SP7: variants seen among roughly 807,000 people sequenced by gnomAD.
SP7 encodes transcription factor Sp7.
SP7 carries 13 observed loss-of-function variants against 27.9 expected under a neutral mutation model. The ratio of observed to expected loss-of-function variants is 0.47; its 90% CI spans 0.30 to 0.74. The LOEUF is 0.74. Ranked by LOEUF, SP7 falls within the 30% of genes least tolerant of loss-of-function variation. The pLI is 0.06. For synonymous variants in SP7, 219 were observed against 226.7 expected (o/e 0.97, Z 0.31); for missense variants, 525 against 558.0 (o/e 0.94, Z 0.60).
At chr12:53,332,789 A>G (rs1944720776) in intron 2 of SP7, among the ~76,000 whole-genome samples, 1 of 152,162 alleles carries the variant, frequency 6.6e-6, no homozygotes, top group Non-Finnish European at 1.5e-5. Flanking sequence ...GAAAACCACC[A>G]TGGTGCTGGG....
At position 53,344,063 on chromosome 12, in the gene SP7, A is replaced by T. The variant is rs145022285; in HGVS notation, c.-34+1051T>A. Among the ~76,000 whole-genome samples, 807 of 152,130 alleles carry T rather than the reference A, an allele frequency of 5.3e-3. 2 individuals are homozygous for T. Among genetic ancestry groups the T allele is most frequent in the African/African-American group, 0.018 (748 of 41,496 alleles). ...ACTCTGTCTCAAGAAAAAAAAAAAT[A>T]AAAAAATAAGTCAATGAAGGGGTGA... On this transcript the variant is annotated intron_variant, in intron 1 of 1. Transcript: ENST00000547755. This position sits in a 1 kb window ranked among gnomAD's most constrained non-coding sequence, Gnocchi z 4.6.
chr12:53,335,530 C>G, intron 2 of SP7, 96 bp downstream of exon 2: 1 of 741,244 alleles, frequency 1.3e-6, no homozygotes, highest in South Asian at 1.5e-5. Context: ...ACAAGCACCA[C>G]AGCTACTATC....
Position 53,334,356 on chromosome 12 carries a change from A to T in SP7, c.21+1270T>A, listed in dbSNP as rs192772982. Among the ~76,000 whole-genome samples the T allele has an allele frequency of 5.3e-5, 8 of 151,748 alleles. No homozygotes were observed. The East Asian group carries it at 1.6e-3, about 29-fold the overall frequency. On this transcript the variant is annotated intron_variant, in intron 2 of 2. Transcript: ENST00000536324. Reference sequence around the variant, plus strand: ...TACACACACACACACACACACACACACACACACACACACACACACTCTCAG... The same window carrying T: ...TACACACACACACACACACACACACTCACACACACACACACACACTCTCAG...
At chr12:53,340,209 A>G (rs1944810890), upstream of SP7, among the ~76,000 whole-genome samples, 1 of 152,072 alleles carries the variant, frequency 6.6e-6, no homozygotes, top group Non-Finnish European at 1.5e-5. Context: ...AATACTCCCC[A>G]CATGGACTCA....
intron 2 of SP7, among the ~76,000 whole-genome samples, chr12:53,333,172 C>T (rs1337304841): frequency 6.6e-6 from 1 of 152,170 alleles, no homozygotes; most frequent in Non-Finnish European, 1.5e-5. Flanking sequence ...TCACCACAGC[C>T]TCAGTTTCCT....
In SP7 at chr12:53,328,625, G is replaced by A; in HGVS notation, c.817C>T (p.Pro273Ser). Residue 273 changes from proline to serine, a missense_variant, in exon 3 of 3, where the codon CCT becomes TCT. Transcript: ENST00000536324. This position sits in a 1 kb window ranked among gnomAD's most constrained non-coding sequence, Gnocchi z 5.1. ...AGCCGCTCTAGCTCCTGGCAATTAG[G>A]GCAGTCGCAGGAGGAGCGCCCTGCC... Reference protein sequence around the residue: ...SGAGRSSCDCPNCQELERLGA... With the variant: ...SGAGRSSCDCSNCQELERLGA... 1 of 1,610,196 alleles carries A rather than the reference G, an allele frequency of 6.2e-7. No individual in the cohort carries two copies. The highest frequency in any genetic ancestry group is 8.5e-7 in the Non-Finnish European group (1 of 1,177,166).
intron 2 of SP7, among the ~76,000 whole-genome samples, chr12:53,334,628 A>G (rs562915869): frequency 6.6e-6 from 1 of 152,344 alleles, no homozygotes; most frequent in South Asian, 2.1e-4. Flanking sequence ...CTCTGGCCCT[A>G]AATTCCTGCA....
intron 2 of SP7, among the ~76,000 whole-genome samples, chr12:53,333,682 C>T (rs1944732408): frequency 6.7e-6 from 1 of 148,952 alleles, no homozygotes; most frequent in Admixed American, 6.8e-5. Flanking sequence ...CCCTGTTCCC[C>T]TGAATCTCAC....
At chr12:53,343,261 A>C (rs953404876) in intron 1 of SP7, among the ~76,000 whole-genome samples, 6 of 152,202 alleles carry the variant, frequency 3.9e-5, no homozygotes, top group African/African-American at 1.4e-4. Context: ...ATGAGGGATT[A>C]ACAACTTTTG....
chr12:53,340,449 T>C (rs938345427), upstream of SP7, among the ~76,000 whole-genome samples: 2 of 152,106 alleles, frequency 1.3e-5, no homozygotes, highest in Non-Finnish European at 2.9e-5. Flanking sequence ...AGTGTACCTT[T>C]AGGTACTTTT....
chr12:53,328,166 T>C lies in SP7; in HGVS notation c.1276A>G (p.Ser426Gly). ...CCGGCTCAGATCTCCAGCAAGTTGC[T>C]CTGCTCAGGGCTGCCTCCAGGGGCT... ...EKAPGGSPEQSNLLEI is the reference protein window; with the variant it reads ...EKAPGGSPEQGNLLEI The change falls in exon 3 of 3, where the codon AGC becomes GGC. Residue 426 changes from serine to glycine, a missense_variant. Ser to Gly is a moderately conservative substitution (Grantham distance 56). Transcript: ENST00000536324. This position sits in a 1 kb window ranked among gnomAD's most constrained non-coding sequence, Gnocchi z 5.1. The C allele has an allele frequency of 2.5e-6, 4 of 1,611,962 alleles. No homozygotes were observed. In the South Asian group the frequency reaches 3.3e-5, roughly 13 times the overall value.
rs747832161 is a variant in SP7, at chr12:53,329,229, A to C, written c.213T>G (p.Thr71=). The C allele has an allele frequency of 6.2e-7, 1 of 1,613,672 alleles. No individual in the cohort carries two copies. Among genetic ancestry groups the C allele is most frequent in the Admixed American group, 1.7e-5 (1 of 60,000 alleles). The change falls in exon 3 of 3, where the codon ACT becomes ACG. Residue 71 remains threonine (T), a synonymous_variant. Transcript: ENST00000536324. Reference sequence around the variant, plus strand: ...TGCCTGCAGGTGAAAGGAGCCCATTAGTGCTTGTAAAGGGGGCTGGATAAG... The same window carrying C: ...TGCCTGCAGGTGAAAGGAGCCCATTCGTGCTTGTAAAGGGGGCTGGATAAG... ...GDAYPAPFTS[T]NGLLSPAGSP...
chr12:53,332,047 A>G (rs966916453), intron 2 of SP7, among the ~76,000 whole-genome samples: 3 of 152,178 alleles, frequency 2.0e-5, no homozygotes, highest in African/African-American at 7.2e-5. Flanking sequence ...GTCTAACCAC[A>G]GTGAACACTC....
At chr12:53,338,609 G>C (rs1399966880), upstream of SP7, among the ~76,000 whole-genome samples, 1 of 152,132 alleles carries the variant, frequency 6.6e-6, no homozygotes, top group East Asian at 1.9e-4. Flanking sequence ...CACTCCCCGT[G>C]TGGGCTTTAA....
At position 53,329,201 on chromosome 12, in the gene SP7, G is replaced by T; in HGVS notation, c.241C>A (p.Pro81Thr). 1 of 1,613,848 alleles carries T rather than the reference G, an allele frequency of 6.2e-7. No homozygotes were observed. Among genetic ancestry groups the T allele is most frequent in the Non-Finnish European group, 8.5e-7 (1 of 1,179,866 alleles). Residue 81 changes from proline (P) to threonine (T), a missense_variant, in exon 3 of 3, where the codon CCT (proline) becomes ACT (threonine). Pro to Thr is a conservative substitution (Grantham distance 38). Transcript: ENST00000536324. ...TNGLLSPAGS[P>T]PAPTSGYAND... Reference sequence around the variant, plus strand: ...GCATAGCCTGAGGTGGGTGCTGGAGGACTGCCTGCAGGTGAAAGGAGCCCA... The same window carrying T: ...GCATAGCCTGAGGTGGGTGCTGGAGTACTGCCTGCAGGTGAAAGGAGCCCA...
upstream of SP7, among the ~76,000 whole-genome samples, chr12:53,341,044 A>C (rs1944817885): frequency 6.6e-6 from 1 of 152,214 alleles, no homozygotes; most frequent in Non-Finnish European, 1.5e-5. Flanking sequence ...AGCTGAGGAC[A>C]CAGGGTAGAA....
At position 53,327,354 on chromosome 12, in the gene SP7, C is replaced by A. The variant is rs1944643495; in HGVS notation, c.*792G>T. Reference sequence around the variant, plus strand: ...ATTCTGATGATAGACATTCTATTAACAAGATCTTCTCCACTAACATTTTGT... The same window carrying A: ...ATTCTGATGATAGACATTCTATTAAAAAGATCTTCTCCACTAACATTTTGT... On this transcript the variant is annotated 3_prime_UTR_variant, in exon 3 of 3. Transcript: ENST00000536324. 6.6e-6 allele frequency: 1 copy of A among 152,558 alleles called. No individual in the cohort carries two copies. The highest frequency in any genetic ancestry group is 2.4e-5 in the African/African-American group (1 of 41,460). The allele number at this position is 152,558 out of a possible 1,614,324, so 9.5% of individuals were successfully genotyped here.
At chr12:53,339,701 G>C (rs921867927), upstream of SP7, among the ~76,000 whole-genome samples, 1 of 146,238 alleles carries the variant, frequency 6.8e-6, no homozygotes, top group East Asian at 2.1e-4. Flanking sequence ...CTCCAGCCTG[G>C]GCAACAAGAA....
rs6580946 is a variant in SP7, at chr12:53,341,952, T to A, written c.-34+3162A>T. On this transcript the variant is annotated intron_variant, in intron 1 of 1. Coordinates refer to the SP7 transcript ENST00000547755. The stretch of plus-strand genomic sequence containing the variant: ...GCGGGCGCCTGTAGTCCCAGCTACT[T>A]GGTAGGCTGAGGCAGAAGAATGGCG... Among the ~76,000 whole-genome samples the A allele has an allele frequency of 9.9e-5, 15 of 151,788 alleles. 1 individual carries two copies. Among genetic ancestry groups the A allele is most frequent in the Admixed American group, 3.3e-4 (5 of 15,256 alleles).
Sources: gnomAD v4.1 joint callset for allele counts (sites outside exome capture counted in the v4.1 genomes callset) on GRCh38, gnomAD v4.1.1 for gene constraint, Gnocchi (gnomAD v3.1) non-coding constraint, MANE v1.5 for transcripts, NCBI Gene and HGNC (gene_info 2026-07-23, HGNC 2026-07-21) for gene names.